Variants in EPB41 observed in about 807,000 individuals in gnomAD.
The protein encoded by EPB41 is protein 4.1.
EPB41 carries 65 observed loss-of-function variants against 108.0 expected under a neutral mutation model. The ratio of observed to expected loss-of-function variants is 0.60; its 90% CI spans 0.49 to 0.74. The LOEUF is 0.74. Ranked by LOEUF, EPB41 falls within the 30% of genes least tolerant of loss-of-function variation. The probability of loss-of-function intolerance (pLI) is 0.00; values close to 1 mark genes in which losing one functional copy is unlikely to be tolerated. For synonymous variants in EPB41, 336 were observed against 358.9 expected (o/e 0.94, Z 0.72); for missense variants, 875 against 1,037.0 (o/e 0.84, Z 2.15).
chr1:28,907,832 A>C (rs947000883), intron 1 of EPB41, among the ~76,000 whole-genome samples: 3 of 123,006 alleles, frequency 2.4e-5, no homozygotes, highest in Admixed American at 8.3e-5. Flanking sequence ...GATTTTTTAA[A>C]AATTTTAATT....
rs150376750 is a variant in EPB41, at chr1:28,962,799, T to C, written c.-7-24632T>C. Among the ~76,000 whole-genome samples, 570 of 152,344 alleles carry C rather than the reference T, an allele frequency of 3.7e-3. 6 individuals carry two copies. Among genetic ancestry groups the C allele is most frequent in the African/African-American group, 0.013 (528 of 41,574 alleles). ...TTAGGTCCCCATAACTTTTTGTTTA[T>C]GTAGCTGCTGGAGCATTTATGGCTC... On this transcript the variant is annotated intron_variant, in intron 1 of 20. Coordinates refer to ENST00000343067, the MANE Select transcript of EPB41 (RefSeq NM_001376013.1).
chr1:29,046,057 A>G (rs1643101068), intron 11 of EPB41, among the ~76,000 whole-genome samples: 1 of 152,046 alleles, frequency 6.6e-6, no homozygotes, highest in South Asian at 2.1e-4. Context: ...TGGTACATAG[A>G]AATACAATTA....
intron 16 of EPB41, among the ~76,000 whole-genome samples, chr1:29,088,784 G>A (rs966163526): frequency 1.3e-5 from 2 of 152,048 alleles, no homozygotes; most frequent in African/African-American, 4.8e-5. Context: ...AGTTAAAGTC[G>A]GGTTTGCTGT....
chr1:29,059,763 G>A (rs1646183234), intron 14 of EPB41, among the ~76,000 whole-genome samples: 1 of 152,084 alleles, frequency 6.6e-6, no homozygotes. Context: ...AGGTGACAGA[G>A]TAAGACCCTG....
intron 1 of EPB41, among the ~76,000 whole-genome samples, chr1:28,924,571 T>A (rs906754636): frequency 5.9e-5 from 9 of 152,154 alleles, no homozygotes; most frequent in African/African-American, 2.2e-4. Flanking sequence ...GTCACCTAGC[T>A]AAGTCATGCC....
intron 10 of EPB41, among the ~76,000 whole-genome samples, chr1:29,038,859 A>C (rs1388509143): frequency 1.3e-5 from 2 of 152,230 alleles, no homozygotes; most frequent in African/African-American, 4.8e-5. Context: ...AGAGTGGAAA[A>C]AGAGCTCTGG....
At chr1:28,924,584 G>A (rs2093336461) in intron 1 of EPB41, among the ~76,000 whole-genome samples, 1 of 152,144 alleles carries the variant, frequency 6.6e-6, no homozygotes, top group Non-Finnish European at 1.5e-5. Flanking sequence ...GTCATGCCTG[G>A]ATTCTTCATC....
At chr1:29,036,554 C>T (rs1233461769) in intron 10 of EPB41, among the ~76,000 whole-genome samples, 6 of 151,986 alleles carry the variant, frequency 3.9e-5, no homozygotes, top group Non-Finnish European at 8.8e-5. Flanking sequence ...AACCACTGTG[C>T]CCGGACGGAA....
At chr1:29,057,932 G>A in intron 12 of EPB41, among the ~76,000 whole-genome samples, 1 of 152,190 alleles carries the variant, frequency 6.6e-6, no homozygotes, top group East Asian at 1.9e-4. Flanking sequence ...TCCTGCATGT[G>A]CTTGTTTATA....
At chr1:28,968,818 A>T (rs2149265803) in intron 1 of EPB41, among the ~76,000 whole-genome samples, 1 of 152,092 alleles carries the variant, frequency 6.6e-6, no homozygotes, top group East Asian at 1.9e-4. Context: ...TACAAAATTT[A>T]GCTGTGCATG....
intron 10 of EPB41, among the ~76,000 whole-genome samples, chr1:29,036,929 C>G (rs1295316122): frequency 6.6e-6 from 1 of 151,992 alleles, no homozygotes; most frequent in Non-Finnish European, 1.5e-5. Context: ...ATCTGCCCAC[C>G]TCGGCCTCCC....
chr1:28,905,251 C>T (rs182902843), intron 1 of EPB41, among the ~76,000 whole-genome samples: 1 of 151,556 alleles, frequency 6.6e-6, no homozygotes, highest in Admixed American at 6.6e-5. Flanking sequence ...AATCCCAGCA[C>T]TTTGGGAGGT....
At chr1:29,049,903 C>T (rs1224048532) in intron 11 of EPB41, among the ~76,000 whole-genome samples, 1 of 152,084 alleles carries the variant, frequency 6.6e-6, no homozygotes, top group Non-Finnish European at 1.5e-5. Flanking sequence ...TGAAGACCCA[C>T]ACATCTTAAA....
In EPB41 at chr1:28,887,631, C is replaced by A. The variant is rs1031267859; in HGVS notation, c.-8+421C>A. ...TGCCGGGCCCGCAGCAGCGCTGGAGCGGGCTGGCGGCTAGCAGCGGGAGGG... is the reference window on the plus strand; with the variant it reads ...TGCCGGGCCCGCAGCAGCGCTGGAGAGGGCTGGCGGCTAGCAGCGGGAGGG... On this transcript the variant is annotated intron_variant, in intron 1 of 16. Transcript: ENST00000347529. This position sits in a 1 kb window ranked among gnomAD's most constrained non-coding sequence, Gnocchi z 4.9. 1.0e-6 allele frequency: 1 copy of A among 985,218 alleles called. No homozygotes were observed. Among genetic ancestry groups the A allele is most frequent in the Non-Finnish European group, 1.2e-6 (1 of 829,836 alleles). 61.0% of individuals were successfully genotyped at this position (985,218 alleles called of 1,614,324 possible).
chr1:28,915,818 G>A (rs547113589), intron 1 of EPB41, among the ~76,000 whole-genome samples: 2 of 142,260 alleles, frequency 1.4e-5, no homozygotes, highest in African/African-American at 5.2e-5. Context: ...TGCAAGAAAT[G>A]GTTGTGTCTT....
At chr1:28,974,468 C>T (rs2095557744) in intron 1 of EPB41, among the ~76,000 whole-genome samples, 1 of 152,122 alleles carries the variant, frequency 6.6e-6, no homozygotes, top group East Asian at 1.9e-4. Context: ...AGGCAAAATT[C>T]AAATCATTCT....
chr1:28,927,265 T>C (rs1401729553), intron 1 of EPB41, among the ~76,000 whole-genome samples: 2 of 152,228 alleles, frequency 1.3e-5, no homozygotes, highest in East Asian at 1.9e-4. Context: ...AATTTACATA[T>C]ATTTTTGCTT....
intron 16 of EPB41, among the ~76,000 whole-genome samples, chr1:29,086,275 CTT>C (rs1213378802): frequency 1.6e-4 from 22 of 137,208 alleles, no homozygotes; most frequent in Non-Finnish European, 2.2e-4. Flanking sequence ...TTTGTCTTTC[CTT>C]TTTTTTTTTT....
chr1:29,002,255 G>A (rs558106489), intron 4 of EPB41, among the ~76,000 whole-genome samples: 15 of 152,030 alleles, frequency 9.9e-5, no homozygotes, highest in Non-Finnish European at 1.3e-4. Context: ...TTGAGCCCAG[G>A]AGTTTTGAGA....
Sources: allele counts gnomAD v4.1 joint callset (sites outside exome capture counted in the v4.1 genomes callset), GRCh38; gene constraint gnomAD v4.1.1; non-coding constraint Gnocchi (gnomAD v3.1); transcripts MANE v1.5; gene names NCBI Gene and HGNC (gene_info 2026-07-23, HGNC 2026-07-21).